The following C6orf118 variants were observed in gnomAD, a reference collection of about 807,000 sequenced individuals.
The protein encoded by C6orf118 is uncharacterized protein C6orf118.
A neutral mutation model predicts 50.2 loss-of-function variants in C6orf118; 50 were observed. The ratio of observed to expected loss-of-function variants is 1.00; its 90% confidence interval spans 0.79 to 1.26. The LOEUF is 1.26. C6orf118 is among the 50% of genes most tolerant of loss of function. The pLI, the probability that C6orf118 is intolerant of heterozygous loss-of-function variation, is 0.00. For synonymous variants in C6orf118, 239 were observed against 230.9 expected, an observed-to-expected ratio of 1.03 and a Z score of -0.32; for missense variants, 641 against 578.7, an observed-to-expected ratio of 1.11 and a Z score of -1.10.
chr6:165,304,758 C>A (rs1780664998), intron 1 of C6orf118, among the ~76,000 whole-genome samples: 1 of 92,124 alleles, frequency 1.1e-5, no homozygotes, highest in Non-Finnish European at 1.9e-5. Flanking sequence ...AGGAATCCAA[C>A]TTACAAGGGA....
Position 165,301,808 on chromosome 6 carries a change from G to GCCATCCAGGAGGGCC in C6orf118, c.499_513dup (p.Gly167_Trp171dup). The GCCATCCAGGAGGGCC allele has an allele frequency of 5.6e-6, 9 of 1,613,854 alleles. No individual in the cohort carries two copies. Among genetic ancestry groups the GCCATCCAGGAGGGCC allele is most frequent in the Non-Finnish European group, 7.6e-6 (9 of 1,179,936 alleles). On this transcript the variant is annotated inframe_insertion, in exon 2 of 9. Coordinates refer to ENST00000230301, the MANE Select transcript of C6orf118 (RefSeq NM_144980.4). ...GGCAGCCGGAGTTCTTCCCTCCTGC[G>GCCATCCAGGAGGGCC]CCATCCAGGAGGGCCCCGTCCAGGA...
intron 1 of C6orf118, among the ~76,000 whole-genome samples, chr6:165,307,768 C>G (rs1236318806): frequency 5.9e-5 from 9 of 152,186 alleles, no homozygotes; most frequent in Non-Finnish European, 1.5e-5. Flanking sequence ...GCAGCAGGCC[C>G]AGACCCACAG....
chr6:165,302,626 A>G (rs967807571), intron 1 of C6orf118, among the ~76,000 whole-genome samples: 6 of 152,198 alleles, frequency 3.9e-5, no homozygotes, highest in Non-Finnish European at 8.8e-5. Flanking sequence ...AAAGTGTACA[A>G]TCTTAATTAT....
chr6:165,296,991 A>G (rs1780332990), intron 5 of C6orf118, among the ~76,000 whole-genome samples: 1 of 152,160 alleles, frequency 6.6e-6, no homozygotes, highest in Non-Finnish European at 1.5e-5. Flanking sequence ...CAGGTCAGAC[A>G]CTTGGACATT....
chr6:165,287,080 G>A (rs1269887199), intron 7 of C6orf118, among the ~76,000 whole-genome samples: 1 of 152,138 alleles, frequency 6.6e-6, no homozygotes, highest in East Asian at 1.9e-4. Context: ...CTTCAGCAAA[G>A]TCTCAGGATA....
chr6:165,280,955 T>C (rs1468235431), intron 8 of C6orf118, among the ~76,000 whole-genome samples: 1 of 152,212 alleles, frequency 6.6e-6, no homozygotes, highest in Non-Finnish European at 1.5e-5. Context: ...TGGTTTTCCA[T>C]TGCTCTTAAT....
chr6:165,303,006 A>C (rs1780617278), intron 1 of C6orf118, among the ~76,000 whole-genome samples: 1 of 152,232 alleles, frequency 6.6e-6, no homozygotes, highest in African/African-American at 2.4e-5. Context: ...TGAACACTTC[A>C]GATAGAACAA....
At chr6:165,300,606 C>G in intron 2 of C6orf118, 120 bp from the exon 3 acceptor site, 1 of 813,274 alleles carries the variant, frequency 1.2e-6, no homozygotes, top group Non-Finnish European at 1.9e-6. Context: ...CGGGGCGGCA[C>G]AGGGGGCCAG....
chr6:165,289,153 C>T (rs746206595), intron 7 of C6orf118, among the ~76,000 whole-genome samples: 48 of 148,018 alleles, frequency 3.2e-4, no homozygotes, highest in South Asian at 8.5e-4. Context: ...GTTTTATTGG[C>T]ACACAGCCAT....
chr6:165,290,194 C>T (rs188098376), intron 6 of C6orf118, 127 bp from the exon 7 acceptor site: 18 of 580,682 alleles, frequency 3.1e-5, no homozygotes, highest in African/African-American at 7.8e-5. Flanking sequence ...AATTCAAACT[C>T]GAAGCATGTC....
chr6:165,301,481 G>T (rs1159710900), intron 2 of C6orf118, 88 bp downstream of exon 2: 7 of 1,496,400 alleles, frequency 4.7e-6, no homozygotes, highest in Non-Finnish European at 5.3e-6. Context: ...CGAGAGGTTT[G>T]CCCCAGAGCT....
intron 8 of C6orf118, chr6:165,281,397 T>C (rs891878197): frequency 1.4e-6 from 1 of 691,052 alleles, no homozygotes; most frequent in Non-Finnish European, 2.0e-6. Context: ...CAAAGGTCTA[T>C]CTAGTCTAAT....
rs149294573 is a variant in C6orf118, at chr6:165,291,476, T to C, written c.1121-1409A>G. Among the ~76,000 whole-genome samples, 440 of 152,250 alleles carry C rather than the reference T, an allele frequency of 2.9e-3. 1 individual carries two copies. The highest frequency in any genetic ancestry group is 0.01 in the African/African-American group (416 of 41,554). On this transcript the variant is annotated intron_variant, in intron 6 of 8. Transcript: ENST00000230301. ...TGAAAGTTGCCTGGCACATGTTCTA[T>C]GGCTTTCATCTCCATGTGTTTGGTG...
At position 165,301,975 on chromosome 6, in the gene C6orf118, G is replaced by T; in HGVS notation, c.347C>A (p.Thr116Lys). Residue 116 changes from threonine to lysine, a missense_variant, in exon 2 of 9, where the codon ACG becomes AAG. By Grantham distance (78) the Thr-to-Lys change is moderately conservative. Coordinates refer to ENST00000230301, the MANE Select transcript of C6orf118 (RefSeq NM_144980.4). ...CTGGGCCTCACTGGGGACCAGGGCC[G>T]TGTGGATGGTGAAGTGGGCCAGGGC... ...KEALAHFTIHTALVPSEAQDT... is the reference protein window; with the variant it reads ...KEALAHFTIHKALVPSEAQDT... The T allele has an allele frequency of 6.2e-7, 1 of 1,613,706 alleles. No individual in the cohort carries two copies. Among genetic ancestry groups the T allele is most frequent in the Non-Finnish European group, 8.5e-7 (1 of 1,179,972 alleles).
At chr6:165,289,471 G>A (rs555659225) in intron 7 of C6orf118, among the ~76,000 whole-genome samples, 1 of 152,216 alleles carries the variant, frequency 6.6e-6, no homozygotes, top group East Asian at 1.9e-4. Context: ...AGGGGTATGA[G>A]TGCAGTTGTA....
intron 1 of C6orf118, among the ~76,000 whole-genome samples, chr6:165,303,105 A>G (rs2128164419): frequency 6.6e-6 from 1 of 152,318 alleles, no homozygotes; most frequent in East Asian, 1.9e-4. Context: ...GTGATGGCCA[A>G]AGGGCAGCAG....
At chr6:165,298,985 G>A (rs936783879) in intron 4 of C6orf118, among the ~76,000 whole-genome samples, 1 of 152,208 alleles carries the variant, frequency 6.6e-6, no homozygotes, top group Non-Finnish European at 1.5e-5. Flanking sequence ...TATTCCTGCA[G>A]TATATTTTCT....
intron 5 of C6orf118, among the ~76,000 whole-genome samples, chr6:165,294,272 A>AAAAAAAAAACAAAC (rs1562328693): frequency 6.9e-6 from 1 of 145,106 alleles, no homozygotes; most frequent in Admixed American, 6.9e-5. Flanking sequence ...AAAAAACAAA[A>AAAAAAAAAACAAAC]AAAAAAAAAG....
At position 165,289,936 on chromosome 6, in the gene C6orf118, C is replaced by G; in HGVS notation, c.1252G>C (p.Val418Leu). The G allele has an allele frequency of 6.2e-7, 1 of 1,610,320 alleles. No individual in the cohort carries two copies. The highest frequency in any genetic ancestry group is 8.5e-7 in the Non-Finnish European group (1 of 1,178,282). The change falls in exon 7 of 9, where the codon GTT becomes CTT. Residue 418 changes from valine to leucine, a missense_variant. Physicochemically the swap from Val to Leu is conservative, Grantham distance 32 (BLOSUM62 1). Transcript: ENST00000230301. ...ALEKEIKTTL[V>L]HTGISDITEN... ...GTGATATCTGAAATTCCAGTATGAA[C>G]CAAAGTTGTTTTAATTTCTTTTTCC...
Sources: gnomAD v4.1 joint callset for allele counts (sites outside exome capture counted in the v4.1 genomes callset) on GRCh38, gnomAD v4.1.1 for gene constraint, MANE v1.5 for transcripts, NCBI Gene and HGNC (gene_info 2026-07-23, HGNC 2026-07-21) for gene names.